The following TRIO variants were observed in gnomAD, a reference collection of about 807,000 sequenced individuals.
TRIO encodes trio Rho guanine nucleotide exchange factor.
Under a neutral mutation model 351.9 loss-of-function variants are expected in TRIO, and 58 were observed. That is an observed-to-expected ratio of 0.16 (90% CI 0.13 to 0.21). TRIO has a LOEUF of 0.21. Among genes scored for constraint, TRIO ranks in the 10% least tolerant of loss-of-function variants. The pLI, the probability that TRIO is intolerant of heterozygous loss-of-function variation, is 1.00. For missense variants in TRIO, 3,201 were observed against 4,027.8 expected, an observed-to-expected ratio of 0.79 and a Z score of 5.56; for synonymous variants, 1,758 against 1,595.7, an observed-to-expected ratio of 1.10 and a Z score of -2.42.
At chr5:14,431,508 T>C (rs1367708388) in intron 34 of TRIO, among the ~76,000 whole-genome samples, 1 of 152,238 alleles carries the variant, frequency 6.6e-6, no homozygotes, top group Admixed American at 6.5e-5. Flanking sequence ...AATGAAGCCC[T>C]GTGTGTTCAA....
chr5:14,501,672 G>C (rs563033914), intron 53 of TRIO, among the ~76,000 whole-genome samples: 2 of 152,364 alleles, frequency 1.3e-5, no homozygotes, highest in Admixed American at 1.3e-4. Flanking sequence ...TTAAGGAAAC[G>C]CATTCCCAGT....
chr5:14,393,249 G>A (rs1747266681), intron 27 of TRIO, among the ~76,000 whole-genome samples: 1 of 151,946 alleles, frequency 6.6e-6, no homozygotes, highest in South Asian at 2.1e-4. Flanking sequence ...GTCGGGGGGT[G>A]GGGGTCTAGG....
chr5:14,198,200 C>T lies in TRIO; in HGVS notation c.157+54318C>T, dbSNP rs78457415. Among the ~76,000 whole-genome samples the T allele has an allele frequency of 8.5e-3, 1,297 of 152,290 alleles. 24 individuals carry two copies. The highest frequency in any genetic ancestry group is 0.03 in the African/African-American group (1,235 of 41,556). ...TTTTAGCCATAAATATAAATGATTT[C>T]ATATAGCATGTATTTTATAAAAATT... On this transcript the variant is annotated intron_variant, in intron 1 of 56. Coordinates refer to ENST00000344204, the MANE Select transcript of TRIO (RefSeq NM_007118.4).
At chr5:14,161,030 T>C (rs1019224966) in intron 1 of TRIO, among the ~76,000 whole-genome samples, 8 of 152,226 alleles carry the variant, frequency 5.3e-5, no homozygotes, top group Non-Finnish European at 1.0e-4. Context: ...CCTGCCTTAG[T>C]CTCCTTGTAA....
chr5:14,198,689 T>C (rs969309606), intron 1 of TRIO, among the ~76,000 whole-genome samples: 1 of 152,146 alleles, frequency 6.6e-6, no homozygotes, highest in Non-Finnish European at 1.5e-5. Context: ...GCCTCATTCT[T>C]AGAACCTCTT....
At chr5:14,250,838 C>T (rs1482435835) in intron 1 of TRIO, among the ~76,000 whole-genome samples, 1 of 152,142 alleles carries the variant, frequency 6.6e-6, no homozygotes, top group Non-Finnish European at 1.5e-5. Context: ...CAGATTTGCT[C>T]AGGTGAATTA....
chr5:14,294,656 G>A (rs1581551925), intron 6 of TRIO, among the ~76,000 whole-genome samples: 2 of 152,176 alleles, frequency 1.3e-5, no homozygotes, highest in South Asian at 2.1e-4. Flanking sequence ...GGTTGTGGAC[G>A]TAGAGGCTTT....
At chr5:14,167,125 T>TA (rs1456013418) in intron 1 of TRIO, among the ~76,000 whole-genome samples, 1 of 151,388 alleles carries the variant, frequency 6.6e-6, no homozygotes, top group East Asian at 1.9e-4. Flanking sequence ...AAGCATCCAT[T>TA]ATCAGGTTTC....
At chr5:14,296,087 G>A (rs1424578093) in intron 6 of TRIO, among the ~76,000 whole-genome samples, 3 of 152,114 alleles carry the variant, frequency 2.0e-5, no homozygotes, top group African/African-American at 7.2e-5. Context: ...GTCCTTGTTC[G>A]AGGCAGTGGG....
At chr5:14,446,706 T>G (rs1377701873) in intron 34 of TRIO, among the ~76,000 whole-genome samples, 1 of 152,148 alleles carries the variant, frequency 6.6e-6, no homozygotes, top group East Asian at 1.9e-4. Context: ...TTCCTTTTGA[T>G]GGGGGAGTTA....
intron 11 of TRIO, among the ~76,000 whole-genome samples, chr5:14,348,484 C>T (rs62344981): frequency 0.095 from 14,523 of 152,294 alleles, 1,079 homozygotes; most frequent in African/African-American, 0.21. Flanking sequence ...CTTGTGTGTG[C>T]GTGTGTCTGT....
chr5:14,400,723 C>T (rs1465628829), intron 30 of TRIO, among the ~76,000 whole-genome samples: 2 of 152,070 alleles, frequency 1.3e-5, no homozygotes, highest in East Asian at 1.9e-4. Flanking sequence ...ATTTTTTGCT[C>T]GTTGACCTGC....
intron 1 of TRIO, among the ~76,000 whole-genome samples, chr5:14,216,352 A>G (rs897801368): frequency 6.6e-5 from 10 of 152,220 alleles, no homozygotes; most frequent in African/African-American, 2.2e-4. Context: ...CACTTGTCCA[A>G]CAATTGTTGT....
rs769343187 is a variant in TRIO, at chr5:14,417,302, T to G, written c.4960-2476T>G. On this transcript the variant is annotated intron_variant, in intron 33 of 56. Transcript: ENST00000344204. Reference sequence around the variant, plus strand: ...CTGATTCACTTTGTTGATACTGTGCTTCATGGTAGAAGAGTTTGGTTTTGT... The same window carrying G: ...CTGATTCACTTTGTTGATACTGTGCGTCATGGTAGAAGAGTTTGGTTTTGT... Among the ~76,000 whole-genome samples, 134 of 152,386 alleles carry G rather than the reference T, an allele frequency of 8.8e-4. 1 individual carries two copies. The highest frequency in any genetic ancestry group is 6.8e-4 in the Non-Finnish European group (46 of 68,036).
Position 14,363,001 on chromosome 5 carries a change from C to CTTTT in TRIO, c.2392-717_2392-714dup, listed in dbSNP as rs34314596. ...AGGATAATGATTGGTTTTCTATCTA[C>CTTTT]TTTTTTTTTTTTTTTTTGAGACAGG... On this transcript the variant is annotated intron_variant, in intron 13 of 56. Coordinates refer to ENST00000344204, the MANE Select transcript of TRIO (RefSeq NM_007118.4). Among the ~76,000 whole-genome samples the CTTTT allele has an allele frequency of 2.6e-4, 36 of 136,070 alleles. 2 individuals are homozygous for CTTTT. The East Asian group carries it at 6.6e-3, about 25-fold the overall frequency. 89.3% of individuals were successfully genotyped at this position (136,070 alleles called of 152,430 possible).
chr5:14,444,080 C>CT (rs34641629), intron 34 of TRIO, among the ~76,000 whole-genome samples: 107 of 145,062 alleles, frequency 7.4e-4, no homozygotes, highest in Middle Eastern at 3.6e-3. Flanking sequence ...CTCTTGAAGT[C>CT]TTTTTTTTTT....
At chr5:14,273,924 C>T (rs919624381) in intron 2 of TRIO, among the ~76,000 whole-genome samples, 7 of 152,150 alleles carry the variant, frequency 4.6e-5, no homozygotes, top group Admixed American at 3.3e-4. Flanking sequence ...TGTACGAATT[C>T]GTTGCCCACT....
intron 9 of TRIO, among the ~76,000 whole-genome samples, chr5:14,325,878 G>A (rs1220398236): frequency 6.6e-6 from 1 of 152,184 alleles, no homozygotes; most frequent in East Asian, 1.9e-4. Context: ...ATCTAATCAA[G>A]GGTTGGTAAC....
intron 1 of TRIO, among the ~76,000 whole-genome samples, chr5:14,220,907 T>C (rs1343679375): frequency 6.6e-6 from 1 of 152,150 alleles, no homozygotes; most frequent in Non-Finnish European, 1.5e-5. Flanking sequence ...AAGATCAGAT[T>C]TTCAGTGTAG....
Sources: allele counts gnomAD v4.1 joint callset (sites outside exome capture counted in the v4.1 genomes callset), GRCh38; gene constraint gnomAD v4.1.1; transcripts MANE v1.5; gene names NCBI Gene and HGNC (gene_info 2026-07-23, HGNC 2026-07-21).